UBAP2: variants seen among roughly 807,000 people sequenced by gnomAD.
UBAP2 encodes the protein ubiquitin-associated protein 2.
In UBAP2, 75 loss-of-function variants were observed where a neutral mutation model predicts 139.6. The ratio of observed to expected loss-of-function variants is 0.54; its 90% CI spans 0.45 to 0.65. UBAP2 has a LOEUF of 0.65. Ranked by LOEUF, UBAP2 falls within the 30% of genes least tolerant of loss-of-function variation. The pLI is 0.00. For synonymous variants in UBAP2, 526 were observed against 526.2 expected (o/e 1.00, Z 0.01); for missense variants, 1,368 against 1,369.6 (o/e 1.00, Z 0.02).
At chr9:34,003,248 C>A (rs117643251) in intron 2 of UBAP2, among the ~76,000 whole-genome samples, 9,577 of 151,870 alleles carry the variant, frequency 0.063, 400 homozygotes, top group Non-Finnish European at 0.094. Context: ...TCAGGCTGGT[C>A]TTGAACGTCT....
chr9:34,031,929 G>C (rs896732765), intron 1 of UBAP2, among the ~76,000 whole-genome samples: 1 of 152,144 alleles, frequency 6.6e-6, no homozygotes, highest in Admixed American at 6.6e-5. Context: ...TTGAGCCCAG[G>C]AGTTTGAGAC....
intron 4 of UBAP2, among the ~76,000 whole-genome samples, chr9:33,991,000 C>T (rs1038536253): frequency 2.6e-5 from 4 of 152,048 alleles, no homozygotes; most frequent in African/African-American, 7.2e-5. Flanking sequence ...AATAAAACAA[C>T]GTGGCCGAGC....
At chr9:33,938,720 C>T (rs576304526) in intron 16 of UBAP2, among the ~76,000 whole-genome samples, 3 of 149,308 alleles carry the variant, frequency 2.0e-5, no homozygotes, top group East Asian at 2.0e-4. Flanking sequence ...CGCTTGAACC[C>T]GGGAGGTGGA....
In UBAP2 at chr9:33,963,797, G is replaced by T; in HGVS notation, c.680-6C>A. On this transcript the variant is annotated splice_region_variant and splice_polypyrimidine_tract_variant and intron_variant, in intron 8 of 28. Coordinates refer to ENST00000379238, the MANE Select transcript of UBAP2 (RefSeq NM_001370062.2). ...GTGAGTATTTGATGCCAGTTCTGTG[G>T]ACCAATGTAAAATTGAGGGTTTAAA... 1 of 1,608,266 alleles carries T rather than the reference G, an allele frequency of 6.2e-7. No homozygotes were observed. Among genetic ancestry groups the T allele is most frequent in the Non-Finnish European group, 8.5e-7 (1 of 1,175,080 alleles).
intron 2 of UBAP2, among the ~76,000 whole-genome samples, chr9:34,016,260 A>G (rs146668598): frequency 0.24 from 7,927 of 32,804 alleles, 651 homozygotes; most frequent in Non-Finnish European, 0.36. Flanking sequence ...AGGAGGAGGA[A>G]GAGGAGGAAG....
intron 1 of UBAP2, among the ~76,000 whole-genome samples, chr9:34,036,758 C>T (rs1785507): frequency 0.6 from 91,056 of 151,208 alleles, 27,810 homozygotes; most frequent in East Asian, 0.82. Flanking sequence ...GTAATGTAAA[C>T]TTAGCATTCA....
At chr9:34,034,311 C>G (rs1265982877) in intron 1 of UBAP2, among the ~76,000 whole-genome samples, 2 of 152,146 alleles carry the variant, frequency 1.3e-5, no homozygotes, top group Non-Finnish European at 2.9e-5. Context: ...TCCAGGATAT[C>G]AAGTCCTGGT....
At chr9:33,988,835 G>T in intron 5 of UBAP2, 138 bp downstream of exon 5, 2 of 903,040 alleles carry the variant, frequency 2.2e-6, no homozygotes, top group Non-Finnish European at 3.4e-6. Context: ...CGTTCAGAAT[G>T]TATGGAAACT....
chr9:34,029,921 A>G lies in UBAP2; in HGVS notation c.-41-12732T>C, dbSNP rs1825741336. ...AGAACTGCTTGAACCCGAGAGGCAGAGGTTGCAGTGAGCTGAGATTGCGCC... is the reference window on the plus strand; with the variant it reads ...AGAACTGCTTGAACCCGAGAGGCAGGGGTTGCAGTGAGCTGAGATTGCGCC... On this transcript the variant is annotated intron_variant, in intron 1 of 28. Coordinates refer to ENST00000379238, the MANE Select transcript of UBAP2 (RefSeq NM_001370062.2). Among the ~76,000 whole-genome samples, 2 of 151,348 alleles carry G rather than the reference A, an allele frequency of 1.3e-5. 1 individual carries two copies. The highest frequency in any genetic ancestry group is 4.2e-4 in the South Asian group (2 of 4,784).
At chr9:33,935,162 GC>G (rs1321330968) in intron 17 of UBAP2, among the ~76,000 whole-genome samples, 9 of 61,758 alleles carry the variant, frequency 1.5e-4, no homozygotes, top group Admixed American at 3.2e-4. Context: ...GTTGGAAGTG[GC>G]GGGGGGGGGG....
At chr9:33,985,832 G>A (rs2131131524) in intron 6 of UBAP2, among the ~76,000 whole-genome samples, 1 of 152,114 alleles carries the variant, frequency 6.6e-6, no homozygotes, top group Non-Finnish European at 1.5e-5. Context: ...GACCAGCCTG[G>A]CCAACATGGT....
intron 11 of UBAP2, among the ~76,000 whole-genome samples, chr9:33,954,185 G>A (rs995148924): frequency 1.3e-4 from 20 of 151,402 alleles, no homozygotes; most frequent in African/African-American, 4.9e-4. Flanking sequence ...GGAATTACAG[G>A]CGTGAGCCAC....
chr9:33,953,236 C>A, intron 12 of UBAP2, 49 bp downstream of exon 12: 2 of 1,506,178 alleles, frequency 1.3e-6, no homozygotes, highest in Admixed American at 2.0e-5. Flanking sequence ...AATACATTTG[C>A]TAATGGGTAT....
At chr9:33,944,712 TATTACCACCAATTTCTCCAAA>T in intron 13 of UBAP2, 73 bp from the exon 14 acceptor site, 6 of 1,498,280 alleles carry the variant, frequency 4.0e-6, no homozygotes, top group Non-Finnish European at 5.4e-6. Context: ...TGAAGTGTTC[TATTACCACCAATTTCTCCAAA>T]TCATTTCCAG....
rs1822779372 is a variant in UBAP2 at position 34,002,331 on chromosome 9, T to A, written c.100-3467A>T. Among the ~76,000 whole-genome samples the A allele has an allele frequency of 2.6e-5, 4 of 151,248 alleles. No homozygotes were observed. The South Asian group carries it at 8.3e-4, about 31-fold the overall frequency. ...ACTCACAGACACAATTTATTATGAA[T>A]ATCTATATCACGTTTAATGCTACAT... is the stretch of plus-strand genomic sequence containing the variant. On this transcript the variant is annotated intron_variant, in intron 2 of 28. Coordinates refer to ENST00000379238, the MANE Select transcript of UBAP2 (RefSeq NM_001370062.2).
intron 10 of UBAP2, among the ~76,000 whole-genome samples, chr9:33,957,543 A>T (rs943225242): frequency 1.3e-4 from 20 of 152,206 alleles, no homozygotes; most frequent in Non-Finnish European, 4.4e-5. Context: ...TTCACTCAGC[A>T]TAATTATTTT....
chr9:33,976,808 C>T (rs951988667), intron 6 of UBAP2, among the ~76,000 whole-genome samples: 1 of 151,042 alleles, frequency 6.6e-6, no homozygotes, highest in Admixed American at 6.6e-5. Flanking sequence ...ACCAGCCTGG[C>T]CAACATGGTG....
intron 2 of UBAP2, among the ~76,000 whole-genome samples, chr9:34,010,252 C>T (rs1006883041): frequency 1.3e-5 from 2 of 149,696 alleles, no homozygotes; most frequent in African/African-American, 4.9e-5. Flanking sequence ...GGTGAAACCC[C>T]GTCTCAACTA....
At chr9:33,938,954 G>C in intron 16 of UBAP2, 1 of 444,756 alleles carries the variant, frequency 2.2e-6, no homozygotes, top group South Asian at 1.6e-5. Context: ...GCTGTGGAAG[G>C]GGAAGAGAAA....
Sources: gnomAD v4.1 joint callset for allele counts (sites outside exome capture counted in the v4.1 genomes callset) on GRCh38, gnomAD v4.1.1 for gene constraint, MANE v1.5 for transcripts, NCBI Gene and HGNC (gene_info 2026-07-23, HGNC 2026-07-21) for gene names.